Variants in SDK1 observed in about 807,000 individuals in gnomAD.
SDK1 encodes the protein protein sidekick-1.
Under a neutral mutation model 245.5 loss-of-function variants are expected in SDK1, and 157 were observed. That is an observed-to-expected ratio of 0.64 (90% CI 0.56 to 0.73). The LOEUF is 0.73. Ranked by LOEUF, SDK1 falls within the 30% of genes least tolerant of loss-of-function variation. The probability of loss-of-function intolerance (pLI) is 0.00; values close to 1 mark genes in which losing one functional copy is unlikely to be tolerated. For synonymous variants in SDK1, 1,647 were observed against 1,278.5 expected (o/e 1.29, Z -6.15); for missense variants, 3,583 against 3,002.3 (o/e 1.19, Z -4.52).
At chr7:4,199,826 T>C (rs371915103) in intron 35 of SDK1, among the ~76,000 whole-genome samples, 11 of 152,174 alleles carry the variant, frequency 7.2e-5, no homozygotes, top group Non-Finnish European at 1.3e-4. Context: ...CTCTTCTGTG[T>C]TCTTGAGGCA....
chr7:3,894,998 A>T (rs1462138696), intron 5 of SDK1, among the ~76,000 whole-genome samples: 1 of 150,820 alleles, frequency 6.6e-6, no homozygotes, highest in African/African-American at 2.4e-5. Context: ...TCATTTCCTA[A>T]CTCTTGATTA....
intron 4 of SDK1, among the ~76,000 whole-genome samples, chr7:3,658,347 T>A (rs1009033238): frequency 1.3e-5 from 2 of 152,180 alleles, no homozygotes; most frequent in African/African-American, 4.8e-5. Context: ...CTTCATTTAT[T>A]CTTTCCTCCA....
intron 1 of SDK1, among the ~76,000 whole-genome samples, chr7:3,498,261 T>C (rs772650970): frequency 1.2e-4 from 19 of 152,206 alleles, no homozygotes; most frequent in Non-Finnish European, 2.2e-4. Context: ...CTCATAGACA[T>C]AGATTTTATC....
rs574414830 is a variant in SDK1, at chr7:3,458,998, T to C, written c.298+157114T>C. 2.6e-5 allele frequency among the ~76,000 whole-genome samples: 4 copies of C among 152,324 alleles called. No individual in the cohort carries two copies. The South Asian group carries it at 6.2e-4, about 24-fold the overall frequency. ...CATGTAAAGTTTCCATGTAAACTTG[T>C]AGAATCAATTGTCAAATGACATACA... On this transcript the variant is annotated intron_variant, in intron 1 of 44. Coordinates refer to ENST00000404826, the MANE Select transcript of SDK1 (RefSeq NM_152744.4).
intron 1 of SDK1, among the ~76,000 whole-genome samples, chr7:3,378,203 G>GTT (rs1355896154): frequency 6.6e-5 from 10 of 152,248 alleles, no homozygotes; most frequent in African/African-American, 2.4e-4. Context: ...AATTAACATT[G>GTT]TTCTGTCTTC....
intron 5 of SDK1, among the ~76,000 whole-genome samples, chr7:3,908,789 A>G (rs1779051625): frequency 6.6e-6 from 1 of 152,158 alleles, no homozygotes; most frequent in East Asian, 1.9e-4. Flanking sequence ...GGAGTCAGGA[A>G]AAGGAAGCAT....
intron 17 of SDK1, among the ~76,000 whole-genome samples, chr7:4,028,639 C>T (rs991165363): frequency 6.6e-6 from 1 of 152,240 alleles, no homozygotes; most frequent in Non-Finnish European, 1.5e-5. Flanking sequence ...TTTCATAACA[C>T]TTTATGTCCC....
intron 1 of SDK1, among the ~76,000 whole-genome samples, chr7:3,498,153 C>T (rs2128607191): frequency 6.6e-6 from 1 of 152,304 alleles, no homozygotes; most frequent in East Asian, 1.9e-4. Flanking sequence ...TTGTAAAATT[C>T]AGCCAACTTC....
intron 1 of SDK1, among the ~76,000 whole-genome samples, chr7:3,493,371 G>C (rs770239950): frequency 2.0e-5 from 3 of 152,118 alleles, no homozygotes; most frequent in Non-Finnish European, 2.9e-5. Context: ...TTTAAGTCCA[G>C]AGCTCAGTCC....
chr7:4,143,060 T>G (rs1256141792), intron 28 of SDK1, among the ~76,000 whole-genome samples: 1 of 152,108 alleles, frequency 6.6e-6, no homozygotes, highest in African/African-American at 2.4e-5. Flanking sequence ...AGGCACACGC[T>G]GTAGGTAGTT....
intron 4 of SDK1, among the ~76,000 whole-genome samples, chr7:3,737,130 G>T (rs186575990): frequency 6.6e-6 from 1 of 152,342 alleles, no homozygotes; most frequent in East Asian, 1.9e-4. Flanking sequence ...TATTCTAGGT[G>T]TGCTCTGCAG....
intron 1 of SDK1, among the ~76,000 whole-genome samples, chr7:3,493,824 T>G (rs565346288): frequency 6.6e-6 from 1 of 152,334 alleles, no homozygotes; most frequent in South Asian, 2.1e-4. Flanking sequence ...TGAATCTGTC[T>G]CTACATGGAA....
At chr7:4,230,710 A>G (rs1053930172) in intron 40 of SDK1, among the ~76,000 whole-genome samples, 3 of 152,044 alleles carry the variant, frequency 2.0e-5, no homozygotes, top group South Asian at 2.1e-4. Context: ...ACATGGATGG[A>G]TGGGTGGATG....
chr7:3,943,280 A>T (rs1006200153), intron 5 of SDK1, among the ~76,000 whole-genome samples: 4 of 93,942 alleles, frequency 4.3e-5, no homozygotes, highest in African/African-American at 1.6e-4. Context: ...TGAGGGCAGG[A>T]TGTTCCCTCT....
At chr7:3,991,992 C>T (rs1426841549) in intron 14 of SDK1, among the ~76,000 whole-genome samples, 1 of 152,244 alleles carries the variant, frequency 6.6e-6, no homozygotes, top group East Asian at 1.9e-4. Context: ...CACTTGGCCT[C>T]CACTCAGCGT....
intron 20 of SDK1, among the ~76,000 whole-genome samples, chr7:4,070,583 G>A (rs1022628762): frequency 3.3e-5 from 5 of 152,244 alleles, no homozygotes; most frequent in Non-Finnish European, 5.9e-5. Flanking sequence ...AGCAAACCCA[G>A]TGCCAACCCC....
intron 1 of SDK1, among the ~76,000 whole-genome samples, chr7:3,558,306 A>G (rs967901439): frequency 6.6e-5 from 10 of 152,206 alleles, no homozygotes; most frequent in African/African-American, 1.9e-4. Context: ...TTTGGAACCT[A>G]GGACACATTC....
rs10259421 is a variant in SDK1 at position 3,777,121 on chromosome 7, G to A, written c.714-44329G>A. On this transcript the variant is annotated intron_variant, in intron 4 of 44. Transcript: ENST00000404826. ...TGATTTTACTCTCAACCCCCTTGGC[G>A]CTTACATTGGATGAGATAAAAGTGT... 5.5e-3 allele frequency among the ~76,000 whole-genome samples: 841 copies of A among 152,200 alleles called. 9 individuals carry two copies. The highest frequency in any genetic ancestry group is 0.019 in the African/African-American group (806 of 41,538).
At chr7:3,460,368 G>A (rs1434154804) in intron 1 of SDK1, among the ~76,000 whole-genome samples, 1 of 152,184 alleles carries the variant, frequency 6.6e-6, no homozygotes, top group Non-Finnish European at 1.5e-5. Flanking sequence ...ACTTTGGAAT[G>A]TGAGTCAATA....
Sources: gnomAD v4.1 joint callset for allele counts (sites outside exome capture counted in the v4.1 genomes callset) on GRCh38, gnomAD v4.1.1 for gene constraint, MANE v1.5 for transcripts, NCBI Gene and HGNC (gene_info 2026-07-23, HGNC 2026-07-21) for gene names.